Variants in FBLN1 observed in about 807,000 individuals in gnomAD.
The protein encoded by FBLN1 is fibulin 1.
A neutral mutation model predicts 89.7 loss-of-function variants in FBLN1; 34 were observed. The observed-to-expected ratio is 0.38, with a 90% confidence interval of 0.29 to 0.50. The LOEUF is 0.50. Ranked by LOEUF, FBLN1 falls within the 20% of genes least tolerant of loss-of-function variation. FBLN1 has a pLI of 0.92. For synonymous variants in FBLN1, 393 were observed against 391.3 expected (o/e 1.00, Z -0.05); for missense variants, 777 against 988.1 (o/e 0.79, Z 2.86).
rs1024945384 is a variant in FBLN1 at position 45,536,951 on chromosome 22, G to A, written c.922+1614G>A. ...CTGGTTCTGGAAAGACAGGAGGTGAGTCCTGCTTTCCCCAGCCGTTGTCAG... is the reference window on the plus strand; with the variant it reads ...CTGGTTCTGGAAAGACAGGAGGTGAATCCTGCTTTCCCCAGCCGTTGTCAG... On this transcript the variant is annotated intron_variant, in intron 8 of 16. Transcript: ENST00000327858. The surrounding 1 kb of genome is among the most constrained non-coding windows in gnomAD (Gnocchi z 5.1). 6.6e-6 allele frequency among the ~76,000 whole-genome samples: 1 copy of A among 152,206 alleles called. No homozygotes were observed. Among genetic ancestry groups the A allele is most frequent in the African/African-American group, 2.4e-5 (1 of 41,462 alleles).
Position 45,590,118 on chromosome 22 carries a change from G to A in FBLN1, c.1973-10189G>A, listed in dbSNP as rs558625997. On this transcript the variant is annotated intron_variant, in intron 16 of 16. Transcript: ENST00000327858. The surrounding 1 kb of genome is among the most constrained non-coding windows in gnomAD (Gnocchi z 4.1). ...AGCACTGCAGCCACCCACAGCAAGT[G>A]CTCTGTGCTTGTCAGATAGAGAAGA... is the stretch of plus-strand genomic sequence containing the variant. Among the ~76,000 whole-genome samples the A allele has an allele frequency of 4.3e-4, 66 of 152,210 alleles. No individual in the cohort carries two copies. Among genetic ancestry groups the A allele is most frequent in the Non-Finnish European group, 5.0e-4 (34 of 68,044 alleles).
At position 45,556,072 on chromosome 22, in the gene FBLN1, C is replaced by T. The variant is rs922195261; in HGVS notation, c.1697+5457C>T. Among the ~76,000 whole-genome samples the T allele has an allele frequency of 3.9e-5, 6 of 152,094 alleles. No homozygotes were observed. The highest frequency in any genetic ancestry group is 6.5e-5 in the Admixed American group (1 of 15,274). On this transcript the variant is annotated intron_variant, in intron 14 of 16. Coordinates refer to ENST00000327858, the MANE Select transcript of FBLN1 (RefSeq NM_006486.3). This position sits in a 1 kb window ranked among gnomAD's most constrained non-coding sequence, Gnocchi z 4.6. ...GTGTGGTGGTGTGATTTTGTCTCAC[C>T]GCAACCTCCACGTCCCGAGTTCAAG...
intron 14 of FBLN1, among the ~76,000 whole-genome samples, chr22:45,570,350 GAAAAGA>G (rs1199540792): frequency 2.0e-3 from 136 of 69,188 alleles, no homozygotes; most frequent in Middle Eastern, 0.015. Context: ...GAAAAGAAAA[GAAAAGA>G]AAAAAAAAAG....
At chr22:45,505,770 A>ATTATT (rs1439973144) in intron 1 of FBLN1, among the ~76,000 whole-genome samples, 4 of 151,998 alleles carry the variant, frequency 2.6e-5, no homozygotes, top group African/African-American at 9.7e-5. Context: ...TATTATTATT[A>ATTATT]TTATTTTATT....
chr22:45,543,703 C>G (rs561392327), intron 11 of FBLN1, among the ~76,000 whole-genome samples, 177 bp downstream of exon 11: 1 of 152,298 alleles, frequency 6.6e-6, no homozygotes, highest in East Asian at 1.9e-4. Context: ...CCTGCCCACC[C>G]GATTTCTCCT....
At chr22:45,528,419 ACGG>A (rs2088360061) in intron 4 of FBLN1, among the ~76,000 whole-genome samples, 2 of 151,780 alleles carry the variant, frequency 1.3e-5, no homozygotes, top group African/African-American at 4.8e-5. Context: ...ATCTTGGCTC[ACGG>A]CAACCTCCGC....
Position 45,533,114 on chromosome 22 carries a change from G to A in FBLN1, c.596G>A (p.Cys199Tyr). ...QCRDTGDEVVCSCFVGYQLLS... is the reference protein window; with the variant it reads ...QCRDTGDEVVYSCFVGYQLLS... ...CGAGACACGGGTGACGAGGTGGTCT[G>A]CTCCTGCTTCGTGGGCTACCAGCTG... Residue 199 changes from cysteine (C) to tyrosine (Y), a missense_variant, in exon 6 of 17, where the codon TGC becomes TAC. Coordinates refer to ENST00000327858, the MANE Select transcript of FBLN1 (RefSeq NM_006486.3). 1 of 1,614,204 alleles carries A rather than the reference G, an allele frequency of 6.2e-7. No individual in the cohort carries two copies. The highest frequency in any genetic ancestry group is 8.5e-7 in the Non-Finnish European group (1 of 1,180,018).
intron 14 of FBLN1, among the ~76,000 whole-genome samples, chr22:45,551,913 CGT>C (rs1376163562): frequency 6.6e-6 from 1 of 152,220 alleles, no homozygotes; most frequent in Non-Finnish European, 1.5e-5. Context: ...TGCGCACAGT[CGT>C]GAAACCACCT....
In FBLN1 at chr22:45,537,909, G is replaced by T. The variant is rs552405032; in HGVS notation, c.922+2572G>T. Among the ~76,000 whole-genome samples the T allele has an allele frequency of 5.3e-5, 8 of 152,220 alleles. No homozygotes were observed. Among genetic ancestry groups the T allele is most frequent in the Non-Finnish European group, 1.2e-4 (8 of 68,034 alleles). On this transcript the variant is annotated intron_variant, in intron 8 of 16. Coordinates refer to ENST00000327858, the MANE Select transcript of FBLN1 (RefSeq NM_006486.3). This position sits in a 1 kb window ranked among gnomAD's most constrained non-coding sequence, Gnocchi z 5.7. The stretch of plus-strand genomic sequence containing the variant: ...GCTCAGACTTGCAGCCTGCTCAAAG[G>T]GGGGTCCGGAGGAGGCTGGCGTCGA...
chr22:45,570,319 CAAAAAAA>C (rs761469854), intron 14 of FBLN1, among the ~76,000 whole-genome samples: 3 of 36,442 alleles, frequency 8.2e-5, no homozygotes, highest in Non-Finnish European at 1.3e-4. Context: ...GACTCTGTCT[CAAAAAAA>C]AAAAAAAAAA....
rs568756719 is a variant in FBLN1 at position 45,542,874 on chromosome 22, C to T, written c.1196-527C>T. On this transcript the variant is annotated intron_variant, in intron 10 of 16. Transcript: ENST00000327858. ...CAGATGTGCTGCCGCAGAAGGAGCA[C>T]GAGGCTCGCCCACCAGGCAGGCACA... is the stretch of plus-strand genomic sequence containing the variant. 3.3e-5 allele frequency among the ~76,000 whole-genome samples: 5 copies of T among 152,356 alleles called. No homozygotes were observed. The East Asian group carries it at 7.7e-4, about 24-fold the overall frequency.
At position 45,525,580 on chromosome 22, in the gene FBLN1, G is replaced by A. The variant is rs1454815244; in HGVS notation, c.223G>A (p.Glu75Lys). 6.5e-7 allele frequency: 1 copy of A among 1,549,948 alleles called. No homozygotes were observed. Among genetic ancestry groups the A allele is most frequent in the Non-Finnish European group, 8.7e-7 (1 of 1,146,850 alleles). Residue 75 changes from glutamate (E) to lysine (K), a missense_variant, in exon 3 of 17, where the codon GAG (glutamate) becomes AAG (lysine). Transcript: ENST00000327858. ...QEQCCHSQLE[E>K]LHCATGISLA... Reference sequence around the variant, plus strand: ...GCAGTGCTGCCACAGCCAGCTGGAGGAGCTGCACTGTGCCACGGGCATCAG... The same window carrying A: ...GCAGTGCTGCCACAGCCAGCTGGAGAAGCTGCACTGTGCCACGGGCATCAG...
chr22:45,506,230 C>A (rs1309230641), intron 1 of FBLN1, among the ~76,000 whole-genome samples: 2 of 152,146 alleles, frequency 1.3e-5, no homozygotes, highest in African/African-American at 4.8e-5. Flanking sequence ...TCTGCCAATA[C>A]CCCAGAATTG....
chr22:45,543,380 C>T (rs2146983264), intron 10 of FBLN1, 21 bp from the exon 11 acceptor site: 2 of 1,610,480 alleles, frequency 1.2e-6, no homozygotes, highest in Non-Finnish European at 1.7e-6. Flanking sequence ...TGCCCTGAGT[C>T]AGCCCACCCC....
rs947520567 is a variant in FBLN1 at position 45,576,524 on chromosome 22, C to T, written c.1841-453C>T. 1.3e-5 allele frequency among the ~76,000 whole-genome samples: 2 copies of T among 152,072 alleles called. No homozygotes were observed. The highest frequency in any genetic ancestry group is 1.3e-4 in the Admixed American group (2 of 15,288). Reference sequence around the variant, plus strand: ...CTGTCTGATCTGGGAGATGGACACACACCCCCCAGAGAACCCAGGCCACCG... The same window carrying T: ...CTGTCTGATCTGGGAGATGGACACATACCCCCCAGAGAACCCAGGCCACCG... On this transcript the variant is annotated intron_variant, in intron 15 of 16. Coordinates refer to ENST00000327858, the MANE Select transcript of FBLN1 (RefSeq NM_006486.3). The surrounding 1 kb of genome is among the most constrained non-coding windows in gnomAD (Gnocchi z 5.2).
In FBLN1 at chr22:45,532,482, A is replaced by C. The variant is rs1012845334; in HGVS notation, c.545-581A>C. On this transcript the variant is annotated intron_variant, in intron 5 of 16. Coordinates refer to ENST00000327858, the MANE Select transcript of FBLN1 (RefSeq NM_006486.3). The surrounding 1 kb of genome is among the most constrained non-coding windows in gnomAD (Gnocchi z 4.2). ...CAGCAGTTAGAAGTGTATCTCGTAGAATCTTTCCCTGGTTGAGGCTTATCC... is the reference window on the plus strand; with the variant it reads ...CAGCAGTTAGAAGTGTATCTCGTAGCATCTTTCCCTGGTTGAGGCTTATCC... Among the ~76,000 whole-genome samples the C allele has an allele frequency of 6.6e-6, 1 of 152,032 alleles. No individual in the cohort carries two copies. The highest frequency in any genetic ancestry group is 1.5e-5 in the Non-Finnish European group (1 of 68,010).
At chr22:45,586,317 G>A (rs765089176) in intron 16 of FBLN1, among the ~76,000 whole-genome samples, 10 of 152,236 alleles carry the variant, frequency 6.6e-5, no homozygotes, top group South Asian at 2.1e-4. Context: ...TGCCGTGGCC[G>A]CCTCTGCAGG....
chr22:45,593,462 A>G (rs1426689308), intron 16 of FBLN1, among the ~76,000 whole-genome samples: 1 of 152,224 alleles, frequency 6.6e-6, no homozygotes, highest in Non-Finnish European at 1.5e-5. Context: ...TAAGAGGCAC[A>G]GACACGCCAA....
At position 45,530,344 on chromosome 22, in the gene FBLN1, T is replaced by C. The variant is rs1187484695; in HGVS notation, c.485-921T>C. On this transcript the variant is annotated intron_variant, in intron 4 of 16. Transcript: ENST00000327858. The surrounding 1 kb of genome is among the most constrained non-coding windows in gnomAD (Gnocchi z 5.4). ...CTGCAGCTCCAGATGTTAGATGTTT[T>C]ATCTCTCCGTCTTTTATCTGCTTCA... 6.6e-6 allele frequency among the ~76,000 whole-genome samples: 1 copy of C among 152,098 alleles called. No homozygotes were observed. Among genetic ancestry groups the C allele is most frequent in the Admixed American group, 6.5e-5 (1 of 15,274 alleles).
Sources: allele counts gnomAD v4.1 joint callset (sites outside exome capture counted in the v4.1 genomes callset), GRCh38; gene constraint gnomAD v4.1.1; non-coding constraint Gnocchi (gnomAD v3.1); transcripts MANE v1.5; gene names NCBI Gene and HGNC (gene_info 2026-07-23, HGNC 2026-07-21).